The following ZNF705G variants were observed in gnomAD, a reference collection of about 807,000 sequenced individuals.
The protein encoded by ZNF705G is putative zinc finger protein 705G.
Under a neutral mutation model 19.6 loss-of-function variants are expected in ZNF705G, and 23 were observed. The observed-to-expected ratio is 1.17, with a 90% CI of 0.84 to 1.66. ZNF705G has a LOEUF of 1.66. Ranked by LOEUF, ZNF705G falls within the 40% of genes most tolerant of loss-of-function variation. The pLI is 0.00. For missense variants in ZNF705G, 457 were observed against 354.4 expected, an observed-to-expected ratio of 1.29 and a Z score of -2.32; for synonymous variants, 146 against 117.7, an observed-to-expected ratio of 1.24 and a Z score of -1.56.
At chr8:7,382,871 A>T (rs578060234) in intron 1 of ZNF705G, among the ~76,000 whole-genome samples, 38 of 146,970 alleles carry the variant, frequency 2.6e-4, no homozygotes, top group Non-Finnish European at 4.3e-4. Context: ...GAATTCTGAG[A>T]TTTTAGTACA....
At chr8:7,362,337 T>C (rs1405168724) in intron 3 of ZNF705G, among the ~76,000 whole-genome samples, 5 of 149,802 alleles carry the variant, frequency 3.3e-5, no homozygotes, top group Non-Finnish European at 5.9e-5. Context: ...TTAGTTGTCC[T>C]TTCACAAAGT....
rs1388832334 is a variant in ZNF705G, at chr8:7,357,827, C to T, written c.*149G>A. 1.7e-5 allele frequency: 21 copies of T among 1,228,722 alleles called. No individual in the cohort carries two copies. The highest frequency in any genetic ancestry group is 2.3e-5 in the Non-Finnish European group (21 of 911,292). 76.1% of individuals were successfully genotyped at this position (1,228,722 alleles called of 1,614,324 possible). A position where few individuals can be genotyped will look rare whatever the true frequency, so the allele number is the denominator to read the frequency against. On this transcript the variant is annotated 3_prime_UTR_variant, in exon 7 of 7. Coordinates refer to ENST00000400156, the MANE Select transcript of ZNF705G (RefSeq NM_001164457.3). ...ACCTTTGTCATTCCTAACACCGTGT[C>T]ATCTAAAGTCAGAATATGTTCTGAA...
chr8:7,365,058 G>T (rs758072549), intron 2 of ZNF705G, among the ~76,000 whole-genome samples: 9 of 149,596 alleles, frequency 6.0e-5, no homozygotes, highest in Non-Finnish European at 1.2e-4. Flanking sequence ...GTCATATACA[G>T]ACTGTGCCAG....
intron 6 of ZNF705G, 52 bp from the exon 7 acceptor site, chr8:7,358,612 C>A: frequency 1.2e-6 from 2 of 1,601,466 alleles, no homozygotes; most frequent in Non-Finnish European, 1.7e-6. Flanking sequence ...TATATCTATA[C>A]ATTCATTTCA....
In ZNF705G at chr8:7,375,176, C is replaced by G. The variant is rs1466209900; in HGVS notation, c.-72+6276G>C. On this transcript the variant is annotated intron_variant, in intron 2 of 6. Transcript: ENST00000400156. ...AAAGAGTAGCTTTTCAGACTTTACTCCCTCTCCCTCCCCTCCTGGTAAGAC... is the reference window on the plus strand; with the variant it reads ...AAAGAGTAGCTTTTCAGACTTTACTGCCTCTCCCTCCCCTCCTGGTAAGAC... 5.5e-5 allele frequency among the ~76,000 whole-genome samples: 5 copies of G among 91,084 alleles called. 2 individuals carry two copies. The highest frequency in any genetic ancestry group is 8.5e-5 in the Non-Finnish European group (4 of 47,018). The allele number at this position is 91,084 out of a possible 152,430, so 59.8% of individuals were successfully genotyped here. A position where few individuals can be genotyped will look rare whatever the true frequency, so the allele number is the denominator to read the frequency against.
rs1472852462 is a variant in ZNF705G at position 7,357,883 on chromosome 8, T to G, written c.*93A>C. 1.3e-6 allele frequency: 2 copies of G among 1,562,532 alleles called. No homozygotes were observed. Among genetic ancestry groups the G allele is most frequent in the African/African-American group, 3.0e-5 (2 of 66,772 alleles). On this transcript the variant is annotated 3_prime_UTR_variant, in exon 7 of 7. Coordinates refer to ENST00000400156, the MANE Select transcript of ZNF705G (RefSeq NM_001164457.3). ...TTATAATTTTCTCTCCAGGGTGAAT[T>G]TTCTGATGCTCTTTAAGATTAGTAC...
chr8:7,377,953 CAAAAAAA>C (rs1175739210), intron 2 of ZNF705G, among the ~76,000 whole-genome samples: 36 of 53,070 alleles, frequency 6.8e-4, no homozygotes, highest in Admixed American at 7.9e-4. Context: ...GACACTGTCT[CAAAAAAA>C]AAAAAAAAAA....
At chr8:7,363,966 C>A (rs1243387642) in intron 2 of ZNF705G, among the ~76,000 whole-genome samples, 2 of 149,492 alleles carry the variant, frequency 1.3e-5, no homozygotes. Flanking sequence ...TGGTGTTTCT[C>A]TCCTGTGTAT....
rs199708713 is a variant in ZNF705G, at chr8:7,357,666, T to A, written c.*310A>T. The A allele has an allele frequency of 2.0e-5, 10 of 494,154 alleles. 1 individual carries two copies. Among genetic ancestry groups the A allele is most frequent in the African/African-American group, 1.3e-4 (6 of 46,720 alleles). 30.6% of individuals were successfully genotyped at this position (494,154 alleles called of 1,614,324 possible). A position where few individuals can be genotyped will look rare whatever the true frequency, so the allele number is the denominator to read the frequency against. The stretch of plus-strand genomic sequence containing the variant: ...CATGTCATACAATTTCTCTTCCATA[T>A]GAATTTATTGATGTGGACTGAAGAA... On this transcript the variant is annotated 3_prime_UTR_variant, in exon 7 of 7. Transcript: ENST00000400156.
chr8:7,369,114 C>T (rs934478384), intron 2 of ZNF705G, among the ~76,000 whole-genome samples: 1 of 149,476 alleles, frequency 6.7e-6, no homozygotes, highest in Non-Finnish European at 1.5e-5. Context: ...ACTCGTGAGA[C>T]TTATTCACTA....
chr8:7,360,945 A>T (rs1333381689), intron 4 of ZNF705G, among the ~76,000 whole-genome samples, 165 bp downstream of exon 4: 9 of 149,702 alleles, frequency 6.0e-5, no homozygotes, highest in Non-Finnish European at 1.2e-4. Flanking sequence ...AAAAAGAAAG[A>T]TATTTATTTC....
intron 4 of ZNF705G, 54 bp downstream of exon 4, chr8:7,361,056 G>T (rs1806563757): frequency 6.3e-7 from 1 of 1,592,188 alleles, no homozygotes; most frequent in Non-Finnish European, 8.5e-7. Flanking sequence ...AACACTTATT[G>T]AATGAATGAG....
intron 2 of ZNF705G, among the ~76,000 whole-genome samples, chr8:7,364,773 T>A (rs1806782208): frequency 1.3e-5 from 2 of 149,468 alleles, no homozygotes; most frequent in Non-Finnish European, 2.9e-5. Context: ...CATCTGTTCA[T>A]CAAGATTCCA....
chr8:7,367,707 C>G (rs1806921077), intron 2 of ZNF705G, among the ~76,000 whole-genome samples: 2 of 149,620 alleles, frequency 1.3e-5, no homozygotes, highest in Non-Finnish European at 2.9e-5. Flanking sequence ...ATTTTCCTCT[C>G]CTTCCTGTTC....
intron 3 of ZNF705G, among the ~76,000 whole-genome samples, chr8:7,362,143 C>G (rs542791412): frequency 6.7e-6 from 1 of 149,486 alleles, no homozygotes; most frequent in East Asian, 1.9e-4. Flanking sequence ...TTTTTTCTAA[C>G]CAGCCCTTAT....
At chr8:7,380,701 C>T (rs1271926660) in intron 2 of ZNF705G, among the ~76,000 whole-genome samples, 11 of 146,392 alleles carry the variant, frequency 7.5e-5, no homozygotes, top group Admixed American at 5.3e-4. Context: ...GAGGGCATGC[C>T]TATCTACCGA....
At chr8:7,384,795 A>G (rs1430197511) in intron 1 of ZNF705G, among the ~76,000 whole-genome samples, 1 of 145,512 alleles carries the variant, frequency 6.9e-6, no homozygotes, top group African/African-American at 2.8e-5. Flanking sequence ...TAATAAAATA[A>G]TATAGAAACT....
chr8:7,370,745 T>C (rs1807066303), intron 2 of ZNF705G, among the ~76,000 whole-genome samples: 2 of 129,994 alleles, frequency 1.5e-5, no homozygotes, highest in Non-Finnish European at 3.1e-5. Flanking sequence ...ATCATTCTAT[T>C]ATAAAGATAC....
chr8:7,380,056 C>T (rs1317843720), intron 2 of ZNF705G, among the ~76,000 whole-genome samples: 1 of 143,006 alleles, frequency 7.0e-6, no homozygotes, highest in Non-Finnish European at 1.5e-5. Flanking sequence ...GTGTCCTACA[C>T]TCCAGGGAAC....
Sources: allele counts gnomAD v4.1 joint callset (sites outside exome capture counted in the v4.1 genomes callset), GRCh38; gene constraint gnomAD v4.1.1; transcripts MANE v1.5; gene names NCBI Gene and HGNC (gene_info 2026-07-23, HGNC 2026-07-21).